The following CUX1 variants were observed in gnomAD, a reference collection of about 807,000 sequenced individuals.
The protein encoded by CUX1 is cut like homeobox 1, also known as protein CASP.
Under a neutral mutation model 158.8 loss-of-function variants are expected in CUX1, and 31 were observed. The ratio of observed to expected loss-of-function variants is 0.20; its 90% CI spans 0.15 to 0.26. The LOEUF is 0.26. Among genes scored for constraint, CUX1 ranks in the 10% least tolerant of loss-of-function variants. The pLI, the probability that CUX1 is intolerant of heterozygous loss-of-function variation, is 1.00. For synonymous variants in CUX1, 879 were observed against 862.1 expected, an observed-to-expected ratio of 1.02 and a Z score of -0.34; for missense variants, 1,589 against 2,014.6, an observed-to-expected ratio of 0.79 and a Z score of 4.04.
chr7:102,217,369 G>T (rs111588268), intron 20 of CUX1, among the ~76,000 whole-genome samples: 5 of 152,382 alleles, frequency 3.3e-5, no homozygotes, highest in Admixed American at 2.0e-4. Flanking sequence ...ATCCCCGGCA[G>T]GTCCCCTCCC....
At chr7:102,078,727 G>T (rs1460319120) in intron 4 of CUX1, among the ~76,000 whole-genome samples, 1 of 152,164 alleles carries the variant, frequency 6.6e-6, no homozygotes, top group African/African-American at 2.4e-5. Flanking sequence ...AGGTTAACTG[G>T]TCTGCCTTTG....
intron 2 of CUX1, among the ~76,000 whole-genome samples, chr7:101,976,784 G>T (rs1033134756): frequency 1.3e-5 from 2 of 151,692 alleles, no homozygotes; most frequent in Admixed American, 6.6e-5. Flanking sequence ...CAATTGTCCT[G>T]CTCTGTCACA....
rs1272414842 is a variant in CUX1, at chr7:102,047,990, G to A, written c.189+19845G>A. Among the ~76,000 whole-genome samples, 7 of 152,148 alleles carry A rather than the reference G, an allele frequency of 4.6e-5. No homozygotes were observed. In the South Asian group the frequency reaches 1.5e-3, roughly 32 times the overall value. ...CTGGATGTGGAGTATTCCATGTCTCGTCCCTCCCCCAGTCTTTTTCCAGTT... is the reference window on the plus strand; with the variant it reads ...CTGGATGTGGAGTATTCCATGTCTCATCCCTCCCCCAGTCTTTTTCCAGTT... On this transcript the variant is annotated intron_variant, in intron 3 of 23. Coordinates refer to ENST00000292535, the MANE Select transcript of CUX1 (RefSeq NM_181552.4).
chr7:102,251,249 G>A lies in CUX1; in HGVS notation c.*2207G>A, dbSNP rs1801477533. On this transcript the variant is annotated 3_prime_UTR_variant, in exon 24 of 24. Transcript: ENST00000292535. ...TAATATTACTTTTTTTTTTATTTGGGGGGTGGGAGGGAGTTATAATTTTAA... is the reference window on the plus strand; with the variant it reads ...TAATATTACTTTTTTTTTTATTTGGAGGGTGGGAGGGAGTTATAATTTTAA... The A allele has an allele frequency of 2.0e-6, 2 of 981,766 alleles. No homozygotes were observed. Among genetic ancestry groups the A allele is most frequent in the African/African-American group, 3.5e-5 (2 of 57,006 alleles). The allele number at this position is 981,766 out of a possible 1,614,324, so 60.8% of individuals were successfully genotyped here. A position where few individuals can be genotyped will look rare whatever the true frequency, so the allele number is the denominator to read the frequency against.
upstream of CUX1, chr7:101,816,864 T>C (rs1791872738): frequency 1.0e-6 from 1 of 957,270 alleles, no homozygotes; most frequent in Admixed American, 6.6e-5. Flanking sequence ...CCCCCGGCTG[T>C]CACCGGCCCG....
chr7:102,206,086 G>A (rs782234842), intron 20 of CUX1, among the ~76,000 whole-genome samples: 5 of 152,168 alleles, frequency 3.3e-5, no homozygotes, highest in Non-Finnish European at 7.3e-5. Context: ...CCAGCTTGCC[G>A]CAAGCTCCAC....
intron 1 of CUX1, among the ~76,000 whole-genome samples, chr7:101,882,780 G>A (rs1799849228): frequency 6.6e-6 from 1 of 152,190 alleles, no homozygotes; most frequent in Admixed American, 6.5e-5. Flanking sequence ...TGTGGGCGTG[G>A]GATGGAGTCT....
chr7:102,198,743 A>G (rs1795071293), intron 15 of CUX1, 59 bp from the exon 16 acceptor site: 2 of 1,474,206 alleles, frequency 1.4e-6, no homozygotes, highest in South Asian at 2.3e-5. Context: ...CACAGCCCAT[A>G]TCGTCAACAC....
intron 1 of CUX1, among the ~76,000 whole-genome samples, chr7:101,833,239 G>GAA (rs796982088): frequency 7.1e-6 from 1 of 139,936 alleles, no homozygotes. Flanking sequence ...CATCTCTACA[G>GAA]AAAAAAAAAA....
At chr7:102,170,011 G>A (rs1791534889) in intron 9 of CUX1, among the ~76,000 whole-genome samples, 2 of 152,202 alleles carry the variant, frequency 1.3e-5, no homozygotes, top group Admixed American at 6.5e-5. Flanking sequence ...AACATTGTTT[G>A]TGCGTGTTTT....
At chr7:101,964,992 G>A (rs185267697) in intron 2 of CUX1, among the ~76,000 whole-genome samples, 2 of 152,292 alleles carry the variant, frequency 1.3e-5, no homozygotes, top group African/African-American at 4.8e-5. Flanking sequence ...AATGAGTAGG[G>A]TTTAATGGTG....
At chr7:102,141,549 C>G (rs967612379) in intron 8 of CUX1, among the ~76,000 whole-genome samples, 1 of 152,054 alleles carries the variant, frequency 6.6e-6, no homozygotes, top group Non-Finnish European at 1.5e-5. Context: ...GGAGAGGAAG[C>G]TGAGAGCGAT....
At chr7:102,232,920 G>GA (rs1799154122) in intron 21 of CUX1, among the ~76,000 whole-genome samples, 2 of 152,198 alleles carry the variant, frequency 1.3e-5, no homozygotes, top group South Asian at 4.1e-4. Flanking sequence ...CGGCCTCTCA[G>GA]AAAAGCAGAG....
chr7:101,876,351 A>C (rs1799133835), intron 1 of CUX1, among the ~76,000 whole-genome samples: 4 of 150,810 alleles, frequency 2.7e-5, no homozygotes, highest in African/African-American at 9.8e-5. Flanking sequence ...ACAAAAAAAA[A>C]ACCTGATTTG....
In CUX1 at chr7:102,250,442, G is replaced by A. The variant is rs1801377685; in HGVS notation, c.*1400G>A. ...GGAAGACACTCCCCAGGCCTGGGCAGGGCTTACACGCGCACTCTCTCTCTT... is the reference window on the plus strand; with the variant it reads ...GGAAGACACTCCCCAGGCCTGGGCAAGGCTTACACGCGCACTCTCTCTCTT... On this transcript the variant is annotated 3_prime_UTR_variant, in exon 24 of 24. Coordinates refer to ENST00000292535, the MANE Select transcript of CUX1 (RefSeq NM_181552.4). The A allele has an allele frequency of 9.1e-6, 9 of 985,504 alleles. No individual in the cohort carries two copies. The highest frequency in any genetic ancestry group is 1.1e-5 in the Non-Finnish European group (9 of 829,984). 61.0% of individuals were successfully genotyped at this position (985,504 alleles called of 1,614,324 possible).
chr7:101,965,573 C>T (rs1279766878), intron 2 of CUX1, among the ~76,000 whole-genome samples: 2 of 152,006 alleles, frequency 1.3e-5, no homozygotes, highest in East Asian at 1.9e-4. Flanking sequence ...CTTGGCCAGG[C>T]GCGGTGGCTC....
At chr7:102,228,026 C>G (rs1281928118) in intron 21 of CUX1, among the ~76,000 whole-genome samples, 1 of 147,878 alleles carries the variant, frequency 6.8e-6, no homozygotes, top group Non-Finnish European at 1.5e-5. Context: ...TCTCAGCTCA[C>G]TGCAACCTCT....
chr7:101,981,540 T>A (rs544666225), intron 2 of CUX1, among the ~76,000 whole-genome samples: 9 of 152,172 alleles, frequency 5.9e-5, no homozygotes, highest in Non-Finnish European at 1.3e-4. Context: ...AATGTGCTTA[T>A]TAAAATGATA....
At chr7:102,012,034 G>A (rs993146025) in intron 2 of CUX1, among the ~76,000 whole-genome samples, 1 of 151,674 alleles carries the variant, frequency 6.6e-6, no homozygotes, top group Non-Finnish European at 1.5e-5. Context: ...GTTGACGCTT[G>A]AATTTATTTA....
Sources: allele counts gnomAD v4.1 joint callset (sites outside exome capture counted in the v4.1 genomes callset), GRCh38; gene constraint gnomAD v4.1.1; transcripts MANE v1.5; gene names NCBI Gene and HGNC (gene_info 2026-07-23, HGNC 2026-07-21).